CACNG2: variants seen among roughly 807,000 people sequenced by gnomAD.
CACNG2 encodes the protein voltage-dependent calcium channel gamma-2 subunit.
Under a neutral mutation model 25.9 loss-of-function variants are expected in CACNG2, and 3 were observed. That is an observed-to-expected ratio of 0.12 (90% CI 0.05 to 0.30). The LOEUF (loss-of-function observed/expected upper bound fraction) is 0.30, where lower values mean the gene tolerates loss of function less well. Among genes scored for constraint, CACNG2 ranks in the 10% least tolerant of loss-of-function variants. The pLI, the probability that CACNG2 is intolerant of heterozygous loss-of-function variation, is 1.00. For synonymous variants in CACNG2, 167 were observed against 173.3 expected (o/e 0.96, Z 0.29); for missense variants, 341 against 432.5 (o/e 0.79, Z 1.88).
chr22:36,657,815 T>C (rs530786978), intron 1 of CACNG2, among the ~76,000 whole-genome samples: 26 of 152,120 alleles, frequency 1.7e-4, no homozygotes, highest in African/African-American at 5.1e-4. Flanking sequence ...TTCCAGAATA[T>C]TGAGTAGGCA....
chr22:36,584,177 C>T (rs369234806), intron 2 of CACNG2, among the ~76,000 whole-genome samples: 13 of 152,254 alleles, frequency 8.5e-5, no homozygotes, highest in African/African-American at 3.1e-4. Flanking sequence ...TGGGGCCGGG[C>T]GTGGTGGCTC....
At position 36,564,088 on chromosome 22, in the gene CACNG2, C is replaced by G; in HGVS notation, c.*263G>C. ...GCTTTTTTTTAAAGTTTGTTTTCTT[C>G]CCTCGTTTATATTTTCCCACATTTC... is the stretch of plus-strand genomic sequence containing the variant. On this transcript the variant is annotated 3_prime_UTR_variant, in exon 4 of 4. Transcript: ENST00000300105. This position sits in a 1 kb window ranked among gnomAD's most constrained non-coding sequence, Gnocchi z 6.7. 1 of 328,960 alleles carries G rather than the reference C, an allele frequency of 3.0e-6. No homozygotes were observed. Among genetic ancestry groups the G allele is most frequent in the Non-Finnish European group, 5.4e-6 (1 of 183,520 alleles). 20.4% of individuals were successfully genotyped at this position (328,960 alleles called of 1,614,324 possible). A position where few individuals can be genotyped will look rare whatever the true frequency, so the allele number is the denominator to read the frequency against.
At chr22:36,656,728 G>A (rs565934216) in intron 1 of CACNG2, among the ~76,000 whole-genome samples, 30 of 152,258 alleles carry the variant, frequency 2.0e-4, no homozygotes, top group Non-Finnish European at 3.5e-4. Context: ...CACCCAGCAC[G>A]TTCCTGTTAC....
intron 1 of CACNG2, among the ~76,000 whole-genome samples, chr22:36,613,195 T>TGTGC (rs2145943222): frequency 6.6e-6 from 1 of 151,994 alleles, no homozygotes; most frequent in South Asian, 2.1e-4. Context: ...TGTGTGCATG[T>TGTGC]GTGTCTTTCA....
At chr22:36,573,433 T>C (rs1466802643) in intron 2 of CACNG2, among the ~76,000 whole-genome samples, 2 of 152,028 alleles carry the variant, frequency 1.3e-5, no homozygotes, top group East Asian at 3.9e-4. Flanking sequence ...TGGGTTTGAG[T>C]GATTCTTGTG....
At chr22:36,678,944 A>G (rs1937050911) in intron 1 of CACNG2, among the ~76,000 whole-genome samples, 2 of 152,146 alleles carry the variant, frequency 1.3e-5, no homozygotes, top group South Asian at 4.1e-4. Flanking sequence ...CTGGAATGTC[A>G]AGCCCTCTGA....
intron 1 of CACNG2, among the ~76,000 whole-genome samples, chr22:36,696,856 C>T (rs1569055675): frequency 6.6e-6 from 1 of 152,100 alleles, no homozygotes; most frequent in African/African-American, 2.4e-5. Context: ...ATTATGCCTC[C>T]TTTTTTTCCA....
At chr22:36,688,519 G>A (rs1271978968) in intron 1 of CACNG2, among the ~76,000 whole-genome samples, 2 of 138,568 alleles carry the variant, frequency 1.4e-5, no homozygotes, top group South Asian at 2.3e-4. Context: ...CAGCCTGGGC[G>A]ACAGAGTGAG....
chr22:36,633,857 A>T (rs1823061728), intron 1 of CACNG2, among the ~76,000 whole-genome samples: 1 of 152,218 alleles, frequency 6.6e-6, no homozygotes, highest in African/African-American at 2.4e-5. Context: ...CATCTGCAAA[A>T]TACATCTGAA....
At chr22:36,636,714 A>C (rs1448352045) in intron 1 of CACNG2, among the ~76,000 whole-genome samples, 1 of 152,072 alleles carries the variant, frequency 6.6e-6, no homozygotes, top group East Asian at 1.9e-4. Flanking sequence ...TCAGGAAAGC[A>C]AATCTGTATT....
chr22:36,623,036 T>TTTTTA (rs1936132334), intron 1 of CACNG2, among the ~76,000 whole-genome samples: 1 of 76,234 alleles, frequency 1.3e-5, no homozygotes, highest in African/African-American at 4.2e-5. Context: ...TTTTTTTTTT[T>TTTTTA]GAGACAGGAT....
At chr22:36,678,183 C>T (rs1389254762) in intron 1 of CACNG2, among the ~76,000 whole-genome samples, 1 of 152,186 alleles carries the variant, frequency 6.6e-6, no homozygotes, top group African/African-American at 2.4e-5. Flanking sequence ...GAATGGTTAT[C>T]TTCCCAAACG....
chr22:36,599,237 A>G (rs1031982591), intron 1 of CACNG2, among the ~76,000 whole-genome samples: 4 of 149,116 alleles, frequency 2.7e-5, no homozygotes, highest in Non-Finnish European at 4.5e-5. Flanking sequence ...GTCAACCCAG[A>G]TGAATTCCAC....
chr22:36,603,655 G>A (rs1373285417), intron 1 of CACNG2, among the ~76,000 whole-genome samples: 1 of 152,180 alleles, frequency 6.6e-6, no homozygotes, highest in Non-Finnish European at 1.5e-5. Context: ...GAGCCCTTAA[G>A]AAGTATGCTA....
chr22:36,652,288 T>C (rs1476404219), intron 1 of CACNG2, among the ~76,000 whole-genome samples: 2 of 152,072 alleles, frequency 1.3e-5, no homozygotes, highest in Non-Finnish European at 2.9e-5. Flanking sequence ...CATGCCCATG[T>C]GTTCCCCCGC....
At chr22:36,669,050 AAAT>A (rs1303110403) in intron 1 of CACNG2, among the ~76,000 whole-genome samples, 2 of 152,114 alleles carry the variant, frequency 1.3e-5, no homozygotes, top group Non-Finnish European at 2.9e-5. Context: ...ACACACCCAG[AAAT>A]AATGTTCTAC....
chr22:36,672,550 C>T (rs147941717), intron 1 of CACNG2, among the ~76,000 whole-genome samples: 183 of 152,306 alleles, frequency 1.2e-3, no homozygotes, highest in Middle Eastern at 0.01. Flanking sequence ...TTGCTGAGAA[C>T]AGCTACTCTA....
chr22:36,626,005 CG>C (rs1392118968), intron 1 of CACNG2, among the ~76,000 whole-genome samples: 6 of 152,118 alleles, frequency 3.9e-5, no homozygotes, highest in African/African-American at 1.4e-4. Context: ...CTGCAACCTC[CG>C]CCCCCTGGGT....
intron 1 of CACNG2, among the ~76,000 whole-genome samples, chr22:36,605,965 C>G (rs1319968303): frequency 6.6e-6 from 1 of 152,212 alleles, no homozygotes; most frequent in African/African-American, 2.4e-5. Context: ...GTGTCAACAG[C>G]CCTAAATTCA....
Sources: allele counts gnomAD v4.1 joint callset (sites outside exome capture counted in the v4.1 genomes callset), GRCh38; gene constraint gnomAD v4.1.1; non-coding constraint Gnocchi (gnomAD v3.1); transcripts MANE v1.5; gene names NCBI Gene and HGNC (gene_info 2026-07-23, HGNC 2026-07-21).